The following FBXW8 variants were observed in gnomAD, a reference collection of about 807,000 sequenced individuals.
FBXW8 encodes the protein F-box and WD repeat domain containing 8.
Under a neutral mutation model 65.3 loss-of-function variants are expected in FBXW8, and 57 were observed. The ratio of observed to expected loss-of-function variants is 0.87; its 90% CI spans 0.71 to 1.09. The LOEUF (loss-of-function observed/expected upper bound fraction) is 1.09. FBXW8 is among the 50% of genes least tolerant of loss of function. The probability of loss-of-function intolerance (pLI) is 0.00; values close to 1 mark genes in which losing one functional copy is unlikely to be tolerated. For synonymous variants in FBXW8, 308 were observed against 330.2 expected (o/e 0.93, Z 0.73); for missense variants, 777 against 814.8 (o/e 0.95, Z 0.57).
intron 9 of FBXW8, among the ~76,000 whole-genome samples, chr12:117,025,283 G>A (rs1038859952): frequency 1.3e-5 from 2 of 152,196 alleles, no homozygotes; most frequent in Non-Finnish European, 2.9e-5. Flanking sequence ...TGAGGCTGCA[G>A]TGACTGTGTC....
chr12:117,013,177 G>A (rs532624135), intron 8 of FBXW8, among the ~76,000 whole-genome samples: 111 of 152,258 alleles, frequency 7.3e-4, no homozygotes, highest in South Asian at 5.4e-3. Flanking sequence ...AGGAGGCGGA[G>A]GTTGCAGTGA....
Position 116,965,535 on chromosome 12 carries a change from TGTGAA to T in FBXW8, c.835+685_835+689del, listed in dbSNP as rs149027096. Among the ~76,000 whole-genome samples, 623 of 152,286 alleles carry T rather than the reference TGTGAA, an allele frequency of 4.1e-3. 3 individuals carry two copies. Among genetic ancestry groups the T allele is most frequent in the African/African-American group, 0.015 (606 of 41,550 alleles). On this transcript the variant is annotated intron_variant, in intron 5 of 10. Coordinates refer to ENST00000652555, the MANE Select transcript of FBXW8 (RefSeq NM_153348.3). ...GTCATGCTCCTATCCTCCGTTATGT[TGTGAA>T]GTGTTGAATCTCCACAAGCTTCATG...
intron 5 of FBXW8, chr12:116,979,209 A>T (rs148181318): frequency 9.2e-5 from 14 of 152,368 alleles, no homozygotes; most frequent in African/African-American, 3.1e-4. Context: ...AAAAGCTAAC[A>T]TAAATCAGTT....
intron 1 of FBXW8, 121 bp downstream of exon 1, chr12:116,911,476 G>T (rs1879939565): frequency 1.6e-6 from 1 of 635,542 alleles, no homozygotes; most frequent in African/African-American, 1.9e-5. Flanking sequence ...ATGAGTAGAC[G>T]CACAAACACC....
chr12:116,964,366 A>G (rs1884174361), intron 4 of FBXW8, among the ~76,000 whole-genome samples: 1 of 152,226 alleles, frequency 6.6e-6, no homozygotes, highest in Non-Finnish European at 1.5e-5. Flanking sequence ...AATTTCTGCA[A>G]GTGATCCCTG....
At chr12:117,024,843 C>T (rs1249433605) in intron 9 of FBXW8, among the ~76,000 whole-genome samples, 1 of 152,154 alleles carries the variant, frequency 6.6e-6, no homozygotes, top group South Asian at 2.1e-4. Context: ...GAGAAGAGCA[C>T]TTAGGACTGA....
At chr12:116,946,853 A>T (rs1378986630) in intron 3 of FBXW8, among the ~76,000 whole-genome samples, 1 of 152,118 alleles carries the variant, frequency 6.6e-6, no homozygotes, top group Non-Finnish European at 1.5e-5. Context: ...CAGAGGGTCT[A>T]ACCCTGGTGG....
chr12:117,013,314 TG>T (rs1184425628), intron 8 of FBXW8, among the ~76,000 whole-genome samples: 7 of 152,082 alleles, frequency 4.6e-5, no homozygotes, highest in Non-Finnish European at 1.0e-4. Context: ...GGGTGGAAAC[TG>T]AGTTAATGTT....
intron 9 of FBXW8, among the ~76,000 whole-genome samples, chr12:117,025,656 G>A (rs1200075546): frequency 6.6e-6 from 1 of 152,172 alleles, no homozygotes; most frequent in African/African-American, 2.4e-5. Context: ...CCGCCCCCTC[G>A]CTGTGGCTGT....
At chr12:116,992,098 C>G (rs1019816844) in intron 7 of FBXW8, among the ~76,000 whole-genome samples, 5 of 152,184 alleles carry the variant, frequency 3.3e-5, no homozygotes, top group Non-Finnish European at 7.3e-5. Flanking sequence ...TGTCAAGGAA[C>G]CTAGCTCTGT....
At chr12:116,922,862 G>T (rs1881011156) in intron 1 of FBXW8, among the ~76,000 whole-genome samples, 1 of 151,736 alleles carries the variant, frequency 6.6e-6, no homozygotes, top group South Asian at 2.1e-4. Flanking sequence ...TTTTATATCT[G>T]CCTATGATGT....
At chr12:116,951,532 C>G (rs185576384) in intron 4 of FBXW8, 7 of 152,088 alleles carry the variant, frequency 4.6e-5, no homozygotes, top group Admixed American at 3.9e-4. Context: ...TTCTTTTTTC[C>G]TTCCCTTTTC....
At chr12:116,985,509 G>A (rs1885616739) in intron 6 of FBXW8, 107 bp downstream of exon 6, 4 of 1,104,982 alleles carry the variant, frequency 3.6e-6, no homozygotes, top group Non-Finnish European at 3.9e-6. Flanking sequence ...AGAGCTTCCT[G>A]CGGGCCTTAC....
At chr12:116,931,016 C>G (rs1881730271) in intron 2 of FBXW8, among the ~76,000 whole-genome samples, 1 of 152,192 alleles carries the variant, frequency 6.6e-6, no homozygotes, top group African/African-American at 2.4e-5. Flanking sequence ...CTTTGTTACC[C>G]AGGCTAGTCT....
At chr12:116,996,505 C>T (rs1014683382) in intron 7 of FBXW8, among the ~76,000 whole-genome samples, 1 of 86,580 alleles carries the variant, frequency 1.2e-5, no homozygotes, top group African/African-American at 2.7e-5. Context: ...TATTCTAGTC[C>T]AGAGAACAAA....
In FBXW8 at chr12:116,928,065, T is replaced by G; in HGVS notation, c.361T>G (p.Tyr121Asp). The change falls in exon 2 of 11, where the codon TAC becomes GAC. Residue 121 changes from tyrosine to aspartate, a missense_variant. Transcript: ENST00000652555. ...GCCTTTCTTTGATATCCAACTGCCT[T>G]ACGAATTGGCAATCAATATATTTCA... ...DVPFFDIQLP[Y>D]ELAINIFQYL... The G allele has an allele frequency of 6.2e-7, 1 of 1,612,142 alleles. No individual in the cohort carries two copies. Among genetic ancestry groups the G allele is most frequent in the South Asian group, 1.1e-5 (1 of 90,244 alleles).
At chr12:116,915,469 A>G (rs181668325) in intron 1 of FBXW8, among the ~76,000 whole-genome samples, 1 of 152,180 alleles carries the variant, frequency 6.6e-6, no homozygotes, top group Admixed American at 6.5e-5. Context: ...GTACACATCC[A>G]TGTAAACAGC....
chr12:116,958,840 T>C (rs1355046864), intron 4 of FBXW8, among the ~76,000 whole-genome samples: 1 of 152,246 alleles, frequency 6.6e-6, no homozygotes, highest in African/African-American at 2.4e-5. Flanking sequence ...AACTCATTAC[T>C]GCATTTGTTT....
At chr12:116,946,955 A>G (rs1882971849) in intron 3 of FBXW8, among the ~76,000 whole-genome samples, 2 of 152,062 alleles carry the variant, frequency 1.3e-5, no homozygotes, top group African/African-American at 2.4e-5. Flanking sequence ...ATTTACAAGC[A>G]GGAGAGTTGG....
Sources: gnomAD v4.1 joint callset for allele counts (sites outside exome capture counted in the v4.1 genomes callset) on GRCh38, gnomAD v4.1.1 for gene constraint, MANE v1.5 for transcripts, NCBI Gene and HGNC (gene_info 2026-07-23, HGNC 2026-07-21) for gene names.